The following ADCY5 variants were observed in gnomAD, a reference collection of about 807,000 sequenced individuals.
ADCY5 encodes the protein adenylate cyclase type 5.
A neutral mutation model predicts 119.7 loss-of-function variants in ADCY5; 30 were observed. The observed-to-expected ratio is 0.25, with a 90% CI of 0.19 to 0.34. The LOEUF (loss-of-function observed/expected upper bound fraction) is 0.34, where lower values mean the gene tolerates loss of function less well. Ranked by LOEUF, ADCY5 falls within the 10% of genes least tolerant of loss-of-function variation. ADCY5 has a pLI of 1.00. For synonymous variants in ADCY5, 753 were observed against 762.2 expected (o/e 0.99, Z 0.20); for missense variants, 1,324 against 1,775.2 (o/e 0.75, Z 4.57).
At chr3:123,344,379 A>T (rs1276915143) in intron 3 of ADCY5, among the ~76,000 whole-genome samples, 1 of 152,200 alleles carries the variant, frequency 6.6e-6, no homozygotes, top group Non-Finnish European at 1.5e-5. Flanking sequence ...CATAATCATA[A>T]AAATAACAGT....
At chr3:123,353,250 A>AAC (rs547256988) in intron 1 of ADCY5, among the ~76,000 whole-genome samples, 47 of 152,334 alleles carry the variant, frequency 3.1e-4, no homozygotes, top group Admixed American at 3.0e-3. Context: ...TGTGTGGAAA[A>AAC]ACACCACTGA....
chr3:123,325,188 A>G (rs1487238327), intron 8 of ADCY5, 134 bp downstream of exon 8: 1 of 1,224,024 alleles, frequency 8.2e-7, no homozygotes, highest in Non-Finnish European at 1.1e-6. Flanking sequence ...GTTGGGGCAA[A>G]CCGCACTTGT....
rs779269584 is a variant in ADCY5, at chr3:123,448,329, A to G, written c.217T>C (p.Trp73Arg). ...PQQQQRLASR[W>R]RSDDDDDPPL... is the part of the protein sequence containing the mutation. ...GGATCGTCGTCGTCGTCGCTGCGCC[A>G]GCGGCTGGCCAGGCGCTGCTGCTGC... Residue 73 changes from tryptophan (W) to arginine (R), a missense_variant, in exon 1 of 21, where the codon TGG becomes CGG. By Grantham distance (101) the Trp-to-Arg change is moderately radical (BLOSUM62 -3). Around this residue, in one of 6 missense-constraint regions of ADCY5, gnomAD observed 585 missense variants for 569.9 expected, o/e 1.03. Coordinates refer to ENST00000462833, the MANE Select transcript of ADCY5 (RefSeq NM_183357.3). 3 of 1,534,530 alleles carry G rather than the reference A, an allele frequency of 2.0e-6. No homozygotes were observed. The highest frequency in any genetic ancestry group is 2.6e-6 in the Non-Finnish European group (3 of 1,151,668).
intron 15 of ADCY5, among the ~76,000 whole-genome samples, chr3:123,298,108 T>C (rs1029957752): frequency 1.6e-4 from 25 of 152,298 alleles, no homozygotes; most frequent in African/African-American, 6.0e-4. Context: ...CAAGCTATTC[T>C]TGTACCTCAG....
At chr3:123,299,081 T>C (rs1939684729) in intron 15 of ADCY5, among the ~76,000 whole-genome samples, 1 of 152,168 alleles carries the variant, frequency 6.6e-6, no homozygotes, top group African/African-American at 2.4e-5. Flanking sequence ...GCATAATCTA[T>C]TGACATGAAA....
intron 3 of ADCY5, among the ~76,000 whole-genome samples, chr3:123,334,563 C>T (rs9849919): frequency 0.28 from 42,560 of 151,864 alleles, 6,460 homozygotes; most frequent in Non-Finnish European, 0.35. Context: ...CATGGCAAAA[C>T]CCCATTTCTA....
intron 3 of ADCY5, among the ~76,000 whole-genome samples, chr3:123,339,788 A>G (rs1217376831): frequency 1.7e-5 from 2 of 119,274 alleles, no homozygotes; most frequent in Admixed American, 2.5e-4. Context: ...GGAACACCCC[A>G]TAGCACCTAC....
At chr3:123,345,784 A>C (rs1942519597) in intron 3 of ADCY5, among the ~76,000 whole-genome samples, 1 of 151,688 alleles carries the variant, frequency 6.6e-6, no homozygotes, top group African/African-American at 2.4e-5. Context: ...ACACACACAC[A>C]CACACACACA....
Position 123,332,612 on chromosome 3 carries a change from C to T in ADCY5, c.1470G>A (p.Leu490=). ...CGAAGAGCTCGTTGAGGGTCATGAC[C>T]AGTTCCTGTGCAGTGCACTGGGACG... ...SLASQCTAQE[L]VMTLNELFAR... Residue 490 remains leucine, a synonymous_variant, in exon 4 of 21, where the codon CTG becomes CTA. Transcript: ENST00000462833. 6.2e-7 allele frequency: 1 copy of T among 1,613,880 alleles called. No individual in the cohort carries two copies.
At chr3:123,355,353 T>C (rs768745720) in intron 1 of ADCY5, among the ~76,000 whole-genome samples, 8 of 152,228 alleles carry the variant, frequency 5.3e-5, no homozygotes, top group Non-Finnish European at 8.8e-5. Context: ...GTTGGCTCTC[T>C]GTATCTACAG....
At chr3:123,296,000 G>C (rs1939476157) in intron 17 of ADCY5, 84 bp downstream of exon 17, 2 of 1,565,054 alleles carry the variant, frequency 1.3e-6, no homozygotes, top group Non-Finnish European at 1.7e-6. Context: ...GCCCGGCTTG[G>C]CCTGGCCCAG....
chr3:123,328,555 C>G (rs1941605483), intron 6 of ADCY5, 89 bp downstream of exon 6: 1 of 1,494,028 alleles, frequency 6.7e-7, no homozygotes, highest in Non-Finnish European at 9.1e-7. Context: ...CCCACCCTGC[C>G]CCGCCTCGCC....
chr3:123,426,744 C>A (rs960619780), intron 1 of ADCY5, among the ~76,000 whole-genome samples: 1 of 152,114 alleles, frequency 6.6e-6, no homozygotes, highest in East Asian at 1.9e-4. Flanking sequence ...TGGAGGTTGG[C>A]GCAAGGAGCC....
chr3:123,444,170 T>C (rs1461881791), intron 1 of ADCY5, among the ~76,000 whole-genome samples: 1 of 152,186 alleles, frequency 6.6e-6, no homozygotes, highest in Non-Finnish European at 1.5e-5. Context: ...GTTTGGCAGA[T>C]GCTCCAGTGT....
chr3:123,319,615 C>T, intron 10 of ADCY5, 59 bp downstream of exon 10: 1 of 1,584,876 alleles, frequency 6.3e-7, no homozygotes, highest in Non-Finnish European at 8.6e-7. Flanking sequence ...GTTTTCTTGC[C>T]CTCCTCCTCC....
chr3:123,416,069 G>T (rs779469479), intron 1 of ADCY5: 1 of 1,152,934 alleles, frequency 8.7e-7, no homozygotes, highest in Non-Finnish European at 1.2e-6. Context: ...TAGGGTCAGG[G>T]GTTACAGTAC....
chr3:123,312,909 G>T (rs923446481), intron 12 of ADCY5, among the ~76,000 whole-genome samples: 1 of 149,116 alleles, frequency 6.7e-6, no homozygotes, highest in East Asian at 1.9e-4. Flanking sequence ...AAAGCAGGCT[G>T]GGGGGGGCCT....
chr3:123,367,956 C>T (rs1943505894), intron 1 of ADCY5: 1 of 1,535,650 alleles, frequency 6.5e-7, no homozygotes, highest in African/African-American at 1.4e-5. Context: ...TGGGACAGGC[C>T]TGGGCCCTAC....
chr3:123,412,311 G>A (rs72966555), intron 1 of ADCY5, among the ~76,000 whole-genome samples: 19 of 152,336 alleles, frequency 1.2e-4, no homozygotes, highest in African/African-American at 3.8e-4. Context: ...AGGAGACAGG[G>A]TGTGGTGGGA....
Sources: allele counts gnomAD v4.1 joint callset (sites outside exome capture counted in the v4.1 genomes callset), GRCh38; gene constraint gnomAD v4.1.1; regional missense constraint gnomAD v4.1.1; transcripts MANE v1.5; gene names NCBI Gene and HGNC (gene_info 2026-07-23, HGNC 2026-07-21).